ASPH: variants seen among roughly 807,000 people sequenced by gnomAD.
ASPH encodes the protein aspartyl/asparaginyl beta-hydroxylase.
In ASPH, 100 loss-of-function variants were observed where a neutral mutation model predicts 118.4. That is an observed-to-expected ratio of 0.84 (90% CI 0.72 to 1.00). The LOEUF (loss-of-function observed/expected upper bound fraction) is 1.00, where lower values mean the gene tolerates loss of function less well. Ranked by LOEUF, ASPH falls within the 50% of genes least tolerant of loss-of-function variation. The pLI, the probability that ASPH is intolerant of heterozygous loss-of-function variation, is 0.00. For missense variants in ASPH, 920 were observed against 919.5 expected, an observed-to-expected ratio of 1.00 and a Z score of -0.01; for synonymous variants, 315 against 325.6, an observed-to-expected ratio of 0.97 and a Z score of 0.35.
chr8:61,687,262 C>G (rs1830910416), intron 1 of ASPH, among the ~76,000 whole-genome samples: 1 of 152,076 alleles, frequency 6.6e-6, no homozygotes, highest in Non-Finnish European at 1.5e-5. Flanking sequence ...CTCAGTGATA[C>G]TCATTTAAGT....
intron 14 of ASPH, among the ~76,000 whole-genome samples, chr8:61,588,733 G>C (rs947712429): frequency 1.3e-5 from 2 of 152,096 alleles, no homozygotes; most frequent in African/African-American, 4.8e-5. Context: ...AATTCACTGG[G>C]ATGCCCTCCT....
At chr8:61,626,341 T>C in intron 13 of ASPH, 1 of 1,392,566 alleles carries the variant, frequency 7.2e-7, no homozygotes, top group Non-Finnish European at 9.4e-7. Flanking sequence ...GTGAAACTGC[T>C]TCATTTTCAT....
At chr8:61,538,137 CA>C (rs1239218099) in intron 21 of ASPH, among the ~76,000 whole-genome samples, 2 of 152,148 alleles carry the variant, frequency 1.3e-5, no homozygotes, top group Admixed American at 6.5e-5. Flanking sequence ...GATAAAAAAA[CA>C]AAAAACAACA....
At chr8:61,568,499 C>A (rs1832502584) in intron 16 of ASPH, among the ~76,000 whole-genome samples, 1 of 152,110 alleles carries the variant, frequency 6.6e-6, no homozygotes, top group South Asian at 2.1e-4. Flanking sequence ...AGTATAGAAT[C>A]AGGAGATTTG....
At chr8:61,514,052 C>A (rs1248602951) in intron 24 of ASPH, among the ~76,000 whole-genome samples, 4 of 151,454 alleles carry the variant, frequency 2.6e-5, no homozygotes. Context: ...TGCAGTGGCG[C>A]AGTCATGGCT....
intron 4 of ASPH, among the ~76,000 whole-genome samples, chr8:61,652,864 T>C (rs758835920): frequency 1.3e-5 from 2 of 152,170 alleles, no homozygotes; most frequent in Non-Finnish European, 2.9e-5. Context: ...AAATCAAATA[T>C]TATTCCTCAG....
At chr8:61,655,186 G>C (rs909702764) in intron 3 of ASPH, among the ~76,000 whole-genome samples, 5 of 152,162 alleles carry the variant, frequency 3.3e-5, no homozygotes, top group Non-Finnish European at 5.9e-5. Context: ...ACACCCAGTG[G>C]TGTGACTACT....
chr8:61,688,317 A>G (rs765621869), intron 1 of ASPH, among the ~76,000 whole-genome samples: 2 of 152,150 alleles, frequency 1.3e-5, no homozygotes, highest in Non-Finnish European at 1.5e-5. Flanking sequence ...GATGCGATTC[A>G]TTTTTTCCCA....
rs1587543029 is a variant in ASPH, at chr8:61,578,815, A to G, written c.1063-1957T>C. 5 of 1,610,128 alleles carry G rather than the reference A, an allele frequency of 3.1e-6. No homozygotes were observed. The African/African-American group carries it at 4.0e-5, about 13-fold the overall frequency. On this transcript the variant is annotated intron_variant, in intron 15 of 24. Transcript: ENST00000379454. The stretch of plus-strand genomic sequence containing the variant: ...AATGAATTTGTCCTCATCAAGAAGG[A>G]TGTGGATGAAGCTTACATGAACAAG...
At chr8:61,521,375 T>C (rs989159380) in intron 22 of ASPH, among the ~76,000 whole-genome samples, 9 of 149,932 alleles carry the variant, frequency 6.0e-5, no homozygotes, top group Non-Finnish European at 1.2e-4. Flanking sequence ...AAGTCTTTCA[T>C]CTAGTGCTCA....
At chr8:61,594,715 T>C (rs928716681) in intron 14 of ASPH, among the ~76,000 whole-genome samples, 1 of 149,574 alleles carries the variant, frequency 6.7e-6, no homozygotes, top group Non-Finnish European at 1.5e-5. Context: ...GTTAATCTCT[T>C]ACTGTGACTA....
chr8:61,557,648 G>T (rs1234032063), intron 18 of ASPH, among the ~76,000 whole-genome samples: 2 of 152,166 alleles, frequency 1.3e-5, no homozygotes, highest in African/African-American at 4.8e-5. Context: ...GCTCTACAGG[G>T]ATTTTGTCTG....
intron 13 of ASPH, chr8:61,624,612 GT>G (rs1852075719): frequency 1.0e-6 from 1 of 985,158 alleles, no homozygotes; most frequent in Non-Finnish European, 1.2e-6. Context: ...ATCCACCGAT[GT>G]TGCACAATGG....
chr8:61,681,080 A>G (rs761865563), intron 2 of ASPH, 44 bp from the exon 3 acceptor site: 11 of 1,476,676 alleles, frequency 7.4e-6, no homozygotes, highest in African/African-American at 2.9e-5. Flanking sequence ...AAAAAAGAAA[A>G]GAAATTTAAT....
In ASPH at chr8:61,601,262, A is replaced by T. The variant is rs555110347; in HGVS notation, c.977-17233T>A. Among the ~76,000 whole-genome samples the T allele has an allele frequency of 1.4e-4, 21 of 151,246 alleles. 1 individual carries two copies. The highest frequency in any genetic ancestry group is 3.9e-4 in the Admixed American group (6 of 15,224). Reference sequence around the variant, plus strand: ...AACTTGACCTAAATGACTTTTCTAGACTCCCTGCAACAATAGTAAAATACA... The same window carrying T: ...AACTTGACCTAAATGACTTTTCTAGTCTCCCTGCAACAATAGTAAAATACA... On this transcript the variant is annotated intron_variant, in intron 14 of 24. Transcript: ENST00000379454.
chr8:61,688,407 A>G (rs1338620805), intron 1 of ASPH, among the ~76,000 whole-genome samples: 1 of 152,202 alleles, frequency 6.6e-6, no homozygotes, highest in Admixed American at 6.5e-5. Flanking sequence ...TACTATGGCA[A>G]GCAACAGTCC....
chr8:61,638,252 A>G (rs1320400549), intron 11 of ASPH, 70 bp downstream of exon 11: 1 of 1,530,252 alleles, frequency 6.5e-7, no homozygotes, highest in Non-Finnish European at 8.9e-7. Flanking sequence ...TTTGTTCCAC[A>G]GGTAGGAGTT....
intron 10 of ASPH, 59 bp from the exon 11 acceptor site, chr8:61,638,422 C>T (rs1039157657): frequency 1.3e-5 from 18 of 1,422,440 alleles, no homozygotes; most frequent in South Asian, 1.2e-4. Context: ...CAAAAACTGA[C>T]AACATGCTTT....
At chr8:61,641,573 T>G (rs971486936) in intron 10 of ASPH, among the ~76,000 whole-genome samples, 1 of 152,162 alleles carries the variant, frequency 6.6e-6, no homozygotes, top group African/African-American at 2.4e-5. Flanking sequence ...AGACACAACC[T>G]AGGATTTTTC....
Sources: gnomAD v4.1 joint callset for allele counts (sites outside exome capture counted in the v4.1 genomes callset) on GRCh38, gnomAD v4.1.1 for gene constraint, MANE v1.5 for transcripts, NCBI Gene and HGNC (gene_info 2026-07-23, HGNC 2026-07-21) for gene names.